Variants in SCFD2 observed in about 807,000 individuals in gnomAD.
The protein encoded by SCFD2 is sec1 family domain containing 2.
Under a neutral mutation model 58.9 loss-of-function variants are expected in SCFD2, and 54 were observed. The ratio of observed to expected loss-of-function variants is 0.92; its 90% CI spans 0.74 to 1.15. The LOEUF (loss-of-function observed/expected upper bound fraction) is 1.15, where lower values mean the gene tolerates loss of function less well. Ranked by LOEUF, SCFD2 falls within the 50% of genes most tolerant of loss-of-function variation. The pLI, the probability that SCFD2 is intolerant of heterozygous loss-of-function variation, is 0.00. For synonymous variants in SCFD2, 321 were observed against 335.9 expected, an observed-to-expected ratio of 0.96 and a Z score of 0.49; for missense variants, 805 against 836.6, an observed-to-expected ratio of 0.96 and a Z score of 0.47.
At chr4:53,319,107 G>C (rs537089580) in intron 2 of SCFD2, among the ~76,000 whole-genome samples, 1 of 152,140 alleles carries the variant, frequency 6.6e-6, no homozygotes, top group African/African-American at 2.4e-5. Context: ...CACTTTTCAT[G>C]TTGGTTTTCT....
intron 4 of SCFD2, among the ~76,000 whole-genome samples, chr4:53,153,841 G>T (rs1726584720): frequency 6.6e-6 from 1 of 152,156 alleles, no homozygotes; most frequent in African/African-American, 2.4e-5. Context: ...ACCACATCAT[G>T]AGTGTTTTGC....
At chr4:53,128,074 A>G (rs559064698) in intron 5 of SCFD2, among the ~76,000 whole-genome samples, 2 of 150,702 alleles carry the variant, frequency 1.3e-5, no homozygotes, top group South Asian at 2.1e-4. Context: ...AAAAAAGCCA[A>G]TAAAAAATCT....
intron 6 of SCFD2, among the ~76,000 whole-genome samples, chr4:52,919,553 C>A (rs1719686305): frequency 6.6e-6 from 1 of 152,184 alleles, no homozygotes; most frequent in East Asian, 1.9e-4. Flanking sequence ...CACCACCAAT[C>A]AACACTTCTA....
At chr4:52,949,304 C>T (rs1421054758) in intron 5 of SCFD2, 1 of 151,826 alleles carries the variant, frequency 6.6e-6, no homozygotes, top group Non-Finnish European at 1.5e-5. Context: ...CTTATAAGTC[C>T]ATATTTTAAC....
chr4:52,961,740 G>GT (rs1192216303), intron 5 of SCFD2, among the ~76,000 whole-genome samples: 1 of 152,186 alleles, frequency 6.6e-6, no homozygotes, highest in Admixed American at 6.5e-5. Flanking sequence ...TAACATTTTA[G>GT]TAAGAGTTCA....
chr4:52,997,962 C>G (rs964154164), intron 5 of SCFD2, among the ~76,000 whole-genome samples: 3 of 152,150 alleles, frequency 2.0e-5, no homozygotes, highest in Non-Finnish European at 2.9e-5. Flanking sequence ...TCCTTATATT[C>G]TTCCTCATTA....
At chr4:52,970,880 C>T (rs1721083006) in intron 5 of SCFD2, among the ~76,000 whole-genome samples, 1 of 152,196 alleles carries the variant, frequency 6.6e-6, no homozygotes, top group East Asian at 1.9e-4. Flanking sequence ...GTTGTGCAGC[C>T]TCTGCTGCTG....
At chr4:53,073,903 A>G (rs1189372339) in intron 5 of SCFD2, among the ~76,000 whole-genome samples, 4 of 152,102 alleles carry the variant, frequency 2.6e-5, no homozygotes, top group African/African-American at 9.7e-5. Context: ...GTTGGGAGAG[A>G]CTTGCCTTGA....
At chr4:52,944,183 A>G (rs1420754160) in intron 5 of SCFD2, among the ~76,000 whole-genome samples, 1 of 152,172 alleles carries the variant, frequency 6.6e-6, no homozygotes, top group Non-Finnish European at 1.5e-5. Context: ...TATTTATTTT[A>G]TGTCATTGTG....
At chr4:53,191,505 C>A in intron 4 of SCFD2, among the ~76,000 whole-genome samples, 1 of 151,946 alleles carries the variant, frequency 6.6e-6, no homozygotes, top group East Asian at 2.0e-4. Context: ...CACCCCGGTT[C>A]CAGTGATTCT....
At chr4:53,275,462 C>G (rs1194638007) in intron 3 of SCFD2, among the ~76,000 whole-genome samples, 1 of 152,102 alleles carries the variant, frequency 6.6e-6, no homozygotes, top group Non-Finnish European at 1.5e-5. Flanking sequence ...TCTGCTTGCT[C>G]AAGTACTCAT....
chr4:53,236,384 ATATG>A (rs1162560119), intron 4 of SCFD2, among the ~76,000 whole-genome samples: 1 of 151,460 alleles, frequency 6.6e-6, no homozygotes, highest in African/African-American at 2.4e-5. Context: ...TTTATTAAGC[ATATG>A]TAAGTGTGTG....
chr4:52,945,991 T>C (rs1307623544), intron 5 of SCFD2, among the ~76,000 whole-genome samples: 1 of 152,192 alleles, frequency 6.6e-6, no homozygotes, highest in African/African-American at 2.4e-5. Context: ...CCTTTTAAAA[T>C]AATCTTTTAA....
intron 5 of SCFD2, among the ~76,000 whole-genome samples, chr4:53,103,835 G>A (rs1305506644): frequency 7.6e-6 from 1 of 132,006 alleles, no homozygotes; most frequent in Admixed American, 7.9e-5. Context: ...AATGCCGTAA[G>A]GGTTGACAAC....
At position 53,331,339 on chromosome 4, in the gene SCFD2, C is replaced by G. The variant is rs374782576; in HGVS notation, c.1008-17576G>C. Reference sequence around the variant, plus strand: ...CACCTATTCCAAAATTGACCACATACTTGGAAGTAAAGCTCTCCTCAGCAA... The same window carrying G: ...CACCTATTCCAAAATTGACCACATAGTTGGAAGTAAAGCTCTCCTCAGCAA... On this transcript the variant is annotated intron_variant, in intron 2 of 8. Coordinates refer to ENST00000401642, the MANE Select transcript of SCFD2 (RefSeq NM_152540.4). 4.7e-3 allele frequency among the ~76,000 whole-genome samples: 712 copies of G among 151,750 alleles called. 1 individual carries two copies. The highest frequency in any genetic ancestry group is 7.4e-3 in the Non-Finnish European group (503 of 67,948).
At chr4:53,326,777 AGATGTG>A (rs1733211358) in intron 2 of SCFD2, among the ~76,000 whole-genome samples, 1 of 152,192 alleles carries the variant, frequency 6.6e-6, no homozygotes, top group African/African-American at 2.4e-5. Flanking sequence ...GGTGTCCTAA[AGATGTG>A]GTTAGCAAGT....
intron 5 of SCFD2, among the ~76,000 whole-genome samples, chr4:53,101,410 G>A (rs1356737036): frequency 6.6e-6 from 1 of 152,164 alleles, no homozygotes; most frequent in African/African-American, 2.4e-5. Flanking sequence ...ATAGTGAAGG[G>A]TTCCAGTAGA....
chr4:53,268,633 G>A (rs979937879), intron 4 of SCFD2, among the ~76,000 whole-genome samples: 3 of 152,186 alleles, frequency 2.0e-5, no homozygotes, highest in African/African-American at 7.2e-5. Context: ...TGTGGGCTTG[G>A]TGTGGGGTGC....
chr4:53,221,829 A>G (rs1729055254), intron 4 of SCFD2, among the ~76,000 whole-genome samples: 1 of 152,232 alleles, frequency 6.6e-6, no homozygotes, highest in Non-Finnish European at 1.5e-5. Flanking sequence ...CAGCAGCTCT[A>G]CTACAGCTGG....
Sources: gnomAD v4.1 joint callset for allele counts (sites outside exome capture counted in the v4.1 genomes callset) on GRCh38, gnomAD v4.1.1 for gene constraint, MANE v1.5 for transcripts, NCBI Gene and HGNC (gene_info 2026-07-23, HGNC 2026-07-21) for gene names.